The following DENND2B variants were observed in gnomAD, a reference collection of about 807,000 sequenced individuals.
DENND2B encodes DENN domain-containing protein 2B.
In DENND2B, 32 loss-of-function variants were observed where a neutral mutation model predicts 116.0. That is an observed-to-expected ratio of 0.28 (90% confidence interval 0.21 to 0.37). The LOEUF (loss-of-function observed/expected upper bound fraction) is 0.37. Among genes scored for constraint, DENND2B ranks in the 10% least tolerant of loss-of-function variants. DENND2B has a pLI of 1.00. For missense variants in DENND2B, 1,276 were observed against 1,477.7 expected (o/e 0.86, Z 2.24); for synonymous variants, 588 against 583.9 (o/e 1.01, Z -0.10).
intron 1 of DENND2B, among the ~76,000 whole-genome samples, chr11:8,881,917 T>C (rs2063907750): frequency 6.6e-6 from 1 of 152,178 alleles, no homozygotes; most frequent in Non-Finnish European, 1.5e-5. Flanking sequence ...TCTCTTAATA[T>C]CTCTATCAAC....
intron 1 of DENND2B, among the ~76,000 whole-genome samples, chr11:8,760,700 C>G (rs979465159): frequency 1.3e-5 from 2 of 152,116 alleles, no homozygotes; most frequent in Admixed American, 1.3e-4. Context: ...AACAGTAAAC[C>G]CTTTTCTCCT....
intron 14 of DENND2B, among the ~76,000 whole-genome samples, chr11:8,700,376 G>A (rs1440779595): frequency 6.6e-6 from 1 of 152,200 alleles, no homozygotes; most frequent in Non-Finnish European, 1.5e-5. Flanking sequence ...ATGGGAACAA[G>A]TGAGGGGCAG....
intron 4 of DENND2B, among the ~76,000 whole-genome samples, chr11:8,724,424 A>C (rs781499717): frequency 6.6e-6 from 1 of 152,250 alleles, no homozygotes; most frequent in Admixed American, 6.5e-5. Context: ...GAGGCAAGAC[A>C]GGGACATAGA....
intron 1 of DENND2B, among the ~76,000 whole-genome samples, chr11:8,781,778 C>A (rs138632343): frequency 1.0e-3 from 153 of 151,828 alleles, no homozygotes; most frequent in Middle Eastern, 3.4e-3. Flanking sequence ...AGACGAAAAC[C>A]CAACTGAAAA....
chr11:8,846,764 C>T (rs2062829123), intron 3 of DENND2B, among the ~76,000 whole-genome samples: 1 of 152,234 alleles, frequency 6.6e-6, no homozygotes, highest in Non-Finnish European at 1.5e-5. Flanking sequence ...AAACCCTCAT[C>T]ATTCTCTGTT....
upstream of DENND2B, chr11:8,810,790 T>TCTCTCTCTCTC: frequency 6.8e-6 from 1 of 147,100 alleles, no homozygotes; most frequent in South Asian, 2.1e-4. Context: ...CGCTCTCTTT[T>TCTCTCTCTCTC]TCTTTCTTTC....
chr11:8,705,903 C>T (rs868480972), intron 13 of DENND2B, among the ~76,000 whole-genome samples: 5 of 152,228 alleles, frequency 3.3e-5, no homozygotes, highest in Admixed American at 6.5e-5. Context: ...CTGGTCTCCC[C>T]GTTTTCACTC....
intron 13 of DENND2B, among the ~76,000 whole-genome samples, chr11:8,704,345 T>C (rs2042222749): frequency 1.3e-5 from 2 of 152,176 alleles, no homozygotes; most frequent in East Asian, 1.9e-4. Flanking sequence ...AAGTGTCTTC[T>C]AGGCAAAAGG....
chr11:8,754,993 A>G (rs1465179711), intron 1 of DENND2B, among the ~76,000 whole-genome samples: 1 of 152,258 alleles, frequency 6.6e-6, no homozygotes, highest in Non-Finnish European at 1.5e-5. Flanking sequence ...TCATTACATT[A>G]TATCAATGAA....
chr11:8,705,605 A>C (rs781440997), intron 13 of DENND2B, among the ~76,000 whole-genome samples: 9 of 152,078 alleles, frequency 5.9e-5, no homozygotes, highest in Non-Finnish European at 1.0e-4. Flanking sequence ...TGGGCATCTC[A>C]AACTTGACAT....
intron 1 of DENND2B, among the ~76,000 whole-genome samples, chr11:8,895,004 G>A (rs1473826804): frequency 6.6e-6 from 1 of 152,116 alleles, no homozygotes; most frequent in East Asian, 1.9e-4. Flanking sequence ...CAACCCAAAT[G>A]TCCATCAATG....
intron 4 of DENND2B, chr11:8,718,462 G>A (rs2045506938): frequency 1.3e-6 from 2 of 1,500,486 alleles, no homozygotes; most frequent in Non-Finnish European, 1.8e-6. Flanking sequence ...TTAGGGCAGG[G>A]TTTTGTGTTG....
intron 14 of DENND2B, 116 bp from the exon 15 acceptor site, chr11:8,699,506 G>A: frequency 9.6e-7 from 1 of 1,041,940 alleles, no homozygotes. Context: ...AAATGCTAAT[G>A]GGGTTCAGGG....
chr11:8,901,623 A>T (rs1347010457), intron 1 of DENND2B, among the ~76,000 whole-genome samples: 1 of 152,192 alleles, frequency 6.6e-6, no homozygotes, highest in Non-Finnish European at 1.5e-5. Flanking sequence ...CTCTAATCAC[A>T]GTTTTAGCTG....
intron 4 of DENND2B, among the ~76,000 whole-genome samples, chr11:8,719,376 G>A (rs1332605388): frequency 6.6e-6 from 1 of 152,212 alleles, no homozygotes; most frequent in African/African-American, 2.4e-5. Flanking sequence ...ATAGACTGCA[G>A]TGGGAGCAAT....
At chr11:8,817,268 A>G (rs2061600873) in intron 4 of DENND2B, among the ~76,000 whole-genome samples, 1 of 152,132 alleles carries the variant, frequency 6.6e-6, no homozygotes, top group South Asian at 2.1e-4. Flanking sequence ...AGCATTCTCT[A>G]CCTGGGTGCT....
Position 8,902,325 on chromosome 11 carries a change from C to CA in DENND2B, c.-256+8495dup, listed in dbSNP as rs71059192. Among the ~76,000 whole-genome samples the CA allele has an allele frequency of 1.2e-3, 150 of 128,010 alleles. 2 individuals carry two copies. Among genetic ancestry groups the CA allele is most frequent in the African/African-American group, 3.9e-3 (119 of 30,130 alleles). 84.0% of individuals were successfully genotyped at this position (128,010 alleles called of 152,430 possible). A position where few individuals can be genotyped will look rare whatever the true frequency, so the allele number is the denominator to read the frequency against. On this transcript the variant is annotated intron_variant, in intron 1 of 22. Coordinates refer to the DENND2B transcript ENST00000534127. ...TAGGTGACAGAGTGAGACTCCATCT[C>CA]AAAAAAAAAAAAAAAAGAGTGAGGT...
At chr11:8,838,416 C>A (rs1049604238) in intron 4 of DENND2B, among the ~76,000 whole-genome samples, 12 of 152,266 alleles carry the variant, frequency 7.9e-5, no homozygotes, top group Non-Finnish European at 1.3e-4. Context: ...CTCCTTCCAA[C>A]TGACCACAAC....
At chr11:8,772,931 G>A (rs2057143814) in intron 1 of DENND2B, among the ~76,000 whole-genome samples, 1 of 152,024 alleles carries the variant, frequency 6.6e-6, no homozygotes, top group Non-Finnish European at 1.5e-5. Flanking sequence ...CTCTCTTTCT[G>A]TCTTTCCTTC....
Sources: gnomAD v4.1 joint callset for allele counts (sites outside exome capture counted in the v4.1 genomes callset) on GRCh38, gnomAD v4.1.1 for gene constraint, MANE v1.5 for transcripts, NCBI Gene and HGNC (gene_info 2026-07-23, HGNC 2026-07-21) for gene names.